The following PLG variants were observed in gnomAD, a reference collection of about 807,000 sequenced individuals.
The protein encoded by PLG is plasmin.
PLG carries 41 observed loss-of-function variants against 104.4 expected under a neutral mutation model. The ratio of observed to expected loss-of-function variants is 0.39; its 90% confidence interval spans 0.31 to 0.51. PLG has a LOEUF of 0.51. Among genes scored for constraint, PLG ranks in the 20% least tolerant of loss-of-function variants. The pLI, the probability that PLG is intolerant of heterozygous loss-of-function variation, is 0.76. For synonymous variants in PLG, 337 were observed against 357.1 expected, an observed-to-expected ratio of 0.94 and a Z score of 0.63; for missense variants, 891 against 1,003.6, an observed-to-expected ratio of 0.89 and a Z score of 1.52.
rs891174075 is a variant in PLG, at chr6:160,706,195, A to G, written c.50-212A>G. 9.6e-6 allele frequency: 6 copies of G among 624,686 alleles called. No homozygotes were observed. In the African/African-American group the frequency reaches 1.1e-4, roughly 12 times the overall value. 38.7% of individuals were successfully genotyped at this position (624,686 alleles called of 1,614,324 possible). A position where few individuals can be genotyped will look rare whatever the true frequency, so the allele number is the denominator to read the frequency against. On this transcript the variant is annotated intron_variant, in intron 1 of 18. Transcript: ENST00000308192. ...CTCTCTCCCTTCTCTGGTAGTCCCC[A>G]GTGTCTTTAGTTGCCATCTTTATTT...
At position 160,718,825 on chromosome 6, in the gene PLG, A is replaced by T; in HGVS notation, c.1083A>T (p.Gln361His). Residue 361 changes from glutamine (Q) to histidine (H), a missense_variant, in exon 9 of 19, where the codon CAA becomes CAT. This residue lies in a region of PLG where 854 missense variants were observed against 932.1 expected (regional missense o/e 0.92). Coordinates refer to ENST00000308192, the MANE Select transcript of PLG (RefSeq NM_000301.5). ...ACTCCTCCCCAGTATCCACGGAACA[A>T]TTGGCTCCCACAGGTAAGCAAGGGT... ...SCDSSPVSTE[Q>H]LAPTAPPELT... The T allele has an allele frequency of 6.2e-7, 1 of 1,613,542 alleles. No individual in the cohort carries two copies. The highest frequency in any genetic ancestry group is 1.1e-5 in the South Asian group (1 of 91,060).
rs774648425 is a variant in PLG, at chr6:160,707,821, T to TTCC, written c.292+26_292+28dup. 106 of 1,567,396 alleles carry TTCC rather than the reference T, an allele frequency of 6.8e-5. 1 individual carries two copies. Among genetic ancestry groups the TTCC allele is most frequent in the African/African-American group, 2.3e-4 (17 of 74,096 alleles). On this transcript the variant is annotated intron_variant, in intron 3 of 18. Transcript: ENST00000308192. Reference sequence around the variant, plus strand: ...TGAAAAGAAAGGTGAGTACATTTTCTTCCTCCTCCTCCTACTGTCCTCCCC... The same window carrying TTCC: ...TGAAAAGAAAGGTGAGTACATTTTCTTCCTCCTCCTCCTCCTACTGTCCTCCCC...
At position 160,740,293 on chromosome 6, in the gene PLG, C is replaced by G. The variant is rs1005726826; in HGVS notation, c.2019-1018C>G. ...AACAGTAGCTGATCTCCCTCCTGCT[C>G]CCCAGTGTCCTCCCCGCCATCCCAG... On this transcript the variant is annotated intron_variant, in intron 16 of 18. Coordinates refer to ENST00000308192, the MANE Select transcript of PLG (RefSeq NM_000301.5). The surrounding 1 kb of genome is among the most constrained non-coding windows in gnomAD (Gnocchi z 5.2). Among the ~76,000 whole-genome samples the G allele has an allele frequency of 6.6e-6, 1 of 152,226 alleles. No homozygotes were observed. The highest frequency in any genetic ancestry group is 6.5e-5 in the Admixed American group (1 of 15,282).
Position 160,741,272 on chromosome 6 carries a change from C to T in PLG, c.2019-39C>T, listed in dbSNP as rs756775845. 1.1e-5 allele frequency: 15 copies of T among 1,332,294 alleles called. No homozygotes were observed. The highest frequency in any genetic ancestry group is 1.7e-5 in the Admixed American group (1 of 59,620). 82.5% of individuals were successfully genotyped at this position (1,332,294 alleles called of 1,614,324 possible). On this transcript the variant is annotated intron_variant, in intron 16 of 18. Coordinates refer to ENST00000308192, the MANE Select transcript of PLG (RefSeq NM_000301.5). This position sits in a 1 kb window ranked among gnomAD's most constrained non-coding sequence, Gnocchi z 4.7. Reference sequence around the variant, plus strand: ...TGGTTGTGGGTACTGCAGCTGCGAGCAGAGCAGTCAAACATAACTGCTGAT... The same window carrying T: ...TGGTTGTGGGTACTGCAGCTGCGAGTAGAGCAGTCAAACATAACTGCTGAT...
intron 9 of PLG, among the ~76,000 whole-genome samples, chr6:160,720,166 T>C (rs1308898599): frequency 6.6e-6 from 1 of 152,112 alleles, no homozygotes; most frequent in Non-Finnish European, 1.5e-5. Context: ...TGCAACACTT[T>C]AATGATGATG....
At position 160,738,321 on chromosome 6, in the gene PLG, A is replaced by G. The variant is rs1325248486; in HGVS notation, c.1803-217A>G. The G allele has an allele frequency of 7.1e-6, 4 of 565,610 alleles. No individual in the cohort carries two copies. The highest frequency in any genetic ancestry group is 3.7e-5 in the African/African-American group (2 of 53,580). 35.0% of individuals were successfully genotyped at this position (565,610 alleles called of 1,614,324 possible). On this transcript the variant is annotated intron_variant, in intron 14 of 18. Transcript: ENST00000308192. The surrounding 1 kb of genome is among the most constrained non-coding windows in gnomAD (Gnocchi z 6.8). ...ACAGGCCATGCCTGTGCCTCCCCCAAGCATCGGAAAAATTGGCATAGATGG... is the reference window on the plus strand; with the variant it reads ...ACAGGCCATGCCTGTGCCTCCCCCAGGCATCGGAAAAATTGGCATAGATGG...
chr6:160,719,381 T>C lies in PLG; in HGVS notation c.1096+543T>C, dbSNP rs540373611. Among the ~76,000 whole-genome samples, 89 of 152,356 alleles carry C rather than the reference T, an allele frequency of 5.8e-4. No individual in the cohort carries two copies. The highest frequency in any genetic ancestry group is 2.9e-3 in the Admixed American group (45 of 15,304). On this transcript the variant is annotated intron_variant, in intron 9 of 18. Coordinates refer to ENST00000308192, the MANE Select transcript of PLG (RefSeq NM_000301.5). This position sits in a 1 kb window ranked among gnomAD's most constrained non-coding sequence, Gnocchi z 4.1. ...TCTTCTTCTGAAGTTCTGAACTCTCTTTATGGTGATATAAATACAGTCTCA... is the reference window on the plus strand; with the variant it reads ...TCTTCTTCTGAAGTTCTGAACTCTCCTTATGGTGATATAAATACAGTCTCA...
chr6:160,733,308 G>A (rs190450779), intron 12 of PLG, among the ~76,000 whole-genome samples: 4 of 152,260 alleles, frequency 2.6e-5, no homozygotes, highest in South Asian at 2.1e-4. Flanking sequence ...GTAGGAGAGC[G>A]CTGAGCCCTC....
intron 10 of PLG, among the ~76,000 whole-genome samples, chr6:160,727,353 G>C (rs766293639): frequency 6.7e-6 from 1 of 148,164 alleles, no homozygotes; most frequent in African/African-American, 2.5e-5. Context: ...AGTTCAGATG[G>C]CATCATTAGA....
rs138728014 is a variant in PLG, at chr6:160,736,940, G to A, written c.1735G>A (p.Gly579Arg). 4.9e-4 allele frequency: 796 copies of A among 1,613,886 alleles called. No individual in the cohort carries two copies. The highest frequency in any genetic ancestry group is 6.5e-4 in the Non-Finnish European group (772 of 1,179,964). The change falls in exon 14 of 19, where the codon GGA becomes AGA. Residue 579 changes from glycine to arginine, a missense_variant. This residue lies in a region of PLG where 854 missense variants were observed against 932.1 expected (regional missense o/e 0.92). Transcript: ENST00000308192. This position sits in a 1 kb window ranked among gnomAD's most constrained non-coding sequence, Gnocchi z 5.2. Reference sequence around the variant, plus strand: ...TCAAGTGGAGCCGAAGAAATGTCCTGGAAGGGTTGTAGGGGGGTGTGTGGC... The same window carrying A: ...TCAAGTGGAGCCGAAGAAATGTCCTAGAAGGGTTGTAGGGGGGTGTGTGGC... ...KPQVEPKKCP[G>R]RVVGGCVAHP...
intron 17 of PLG, among the ~76,000 whole-genome samples, chr6:160,748,863 A>C (rs1326700089): frequency 2.6e-5 from 4 of 152,156 alleles, no homozygotes; most frequent in African/African-American, 9.7e-5. Context: ...CCCATTACAC[A>C]AACAATAGTC....
At chr6:160,722,974 A>T (rs1777860894) in intron 10 of PLG, among the ~76,000 whole-genome samples, 1 of 152,068 alleles carries the variant, frequency 6.6e-6, no homozygotes, top group Admixed American at 6.5e-5. Flanking sequence ...GTCTTGGGTC[A>T]CAAGTAAATA....
Position 160,752,444 on chromosome 6 carries a change from T to A in PLG, c.2271+184T>A, listed in dbSNP as rs1394786419. ...TATTCAGATCATCTAAGGGGATGTCTTGGGGCTTGAGTTCCAAATCAGTAG... is the reference window on the plus strand; with the variant it reads ...TATTCAGATCATCTAAGGGGATGTCATGGGGCTTGAGTTCCAAATCAGTAG... On this transcript the variant is annotated intron_variant, in intron 18 of 18. Transcript: ENST00000308192. This position sits in a 1 kb window ranked among gnomAD's most constrained non-coding sequence, Gnocchi z 4.7. Among the ~76,000 whole-genome samples, 4 of 152,194 alleles carry A rather than the reference T, an allele frequency of 2.6e-5. No homozygotes were observed. The highest frequency in any genetic ancestry group is 2.6e-4 in the Admixed American group (4 of 15,278).
chr6:160,733,963 G>A (rs1778046388), intron 12 of PLG, 32 bp from the exon 13 acceptor site: 2 of 1,204,116 alleles, frequency 1.7e-6, no homozygotes, highest in Non-Finnish European at 1.2e-6. Context: ...TGCCCCACGT[G>A]AGCTGGAGCT....
intron 1 of PLG, among the ~76,000 whole-genome samples, chr6:160,704,086 G>T (rs1219372894): frequency 6.6e-6 from 1 of 152,194 alleles, no homozygotes; most frequent in Non-Finnish European, 1.5e-5. Context: ...AAATACATTT[G>T]CATCAGTAGC....
rs1363922004 is a variant in PLG at position 160,722,429 on chromosome 6, T to C, written c.1118T>C (p.Val373Ala). The C allele has an allele frequency of 1.9e-6, 3 of 1,612,754 alleles. No homozygotes were observed. Among genetic ancestry groups the C allele is most frequent in the Admixed American group, 1.7e-5 (1 of 60,022 alleles). ...TCAGCACCACCTGAGCTAACCCCTGTGGTCCAGGACTGCTACCATGGTGAT... is the reference window on the plus strand; with the variant it reads ...TCAGCACCACCTGAGCTAACCCCTGCGGTCCAGGACTGCTACCATGGTGAT... The part of the protein sequence containing the change: ...APTAPPELTP[V>A]VQDCYHGDGQ... Residue 373 changes from valine (V) to alanine (A), a missense_variant, in exon 10 of 19, where the codon GTG becomes GCG. Val to Ala is a moderately conservative substitution (Grantham distance 64, BLOSUM62 0). Around this residue, in one of 2 missense-constraint regions of PLG, gnomAD observed 854 missense variants for 932.1 expected, o/e 0.92. Coordinates refer to ENST00000308192, the MANE Select transcript of PLG (RefSeq NM_000301.5).
At chr6:160,728,196 C>T (rs1777947935) in intron 10 of PLG, among the ~76,000 whole-genome samples, 1 of 118,450 alleles carries the variant, frequency 8.4e-6, no homozygotes, top group African/African-American at 3.1e-5. Flanking sequence ...AGCAATACCA[C>T]TGACAATAGT....
intron 9 of PLG, among the ~76,000 whole-genome samples, chr6:160,722,120 A>G (rs1448255864): frequency 6.6e-6 from 1 of 152,202 alleles, no homozygotes; most frequent in African/African-American, 2.4e-5. Flanking sequence ...TCGTGTTCTC[A>G]TGAACACTCA....
At chr6:160,711,710 T>TA (rs1392283266) in intron 4 of PLG, 62 of 1,606,228 alleles carry the variant, frequency 3.9e-5, no homozygotes, top group Admixed American at 2.4e-4. Flanking sequence ...ATGCCTAGTT[T>TA]AAAAAAAATC....
Sources: allele counts gnomAD v4.1 joint callset (sites outside exome capture counted in the v4.1 genomes callset), GRCh38; gene constraint gnomAD v4.1.1; regional missense constraint gnomAD v4.1.1; non-coding constraint Gnocchi (gnomAD v3.1); transcripts MANE v1.5; gene names NCBI Gene and HGNC (gene_info 2026-07-23, HGNC 2026-07-21).